Variants in KIAA1217 observed in about 807,000 individuals in gnomAD.
KIAA1217 encodes sickle tail protein homolog.
In KIAA1217, 88 loss-of-function variants were observed where a neutral mutation model predicts 163.9. The ratio of observed to expected loss-of-function variants is 0.54; its 90% CI spans 0.45 to 0.64. The LOEUF is 0.64. KIAA1217 is among the 30% of genes least tolerant of loss of function. KIAA1217 has a pLI of 0.00. For missense variants in KIAA1217, 2,372 were observed against 2,475.0 expected, an observed-to-expected ratio of 0.96 and a Z score of 0.88; for synonymous variants, 903 against 923.1, an observed-to-expected ratio of 0.98 and a Z score of 0.39.
chr10:24,364,666 A>G (rs2050515889), intron 2 of KIAA1217, among the ~76,000 whole-genome samples: 1 of 152,174 alleles, frequency 6.6e-6, no homozygotes, highest in Non-Finnish European at 1.5e-5. Flanking sequence ...TAGTTAGCAA[A>G]GGCAGGAAAA....
chr10:24,370,225 A>C (rs2134465694), intron 2 of KIAA1217, among the ~76,000 whole-genome samples: 1 of 143,638 alleles, frequency 7.0e-6, no homozygotes, highest in African/African-American at 2.6e-5. Context: ...AGATCACGCC[A>C]CTGCACTCCA....
At chr10:24,497,655 G>C (rs1324146273) in intron 8 of KIAA1217, among the ~76,000 whole-genome samples, 1 of 151,856 alleles carries the variant, frequency 6.6e-6, no homozygotes, top group Non-Finnish European at 1.5e-5. Context: ...GAGAGGTCAA[G>C]GCTGCAGTAA....
intron 3 of KIAA1217, among the ~76,000 whole-genome samples, chr10:24,417,465 G>A (rs1185114675): frequency 1.3e-5 from 2 of 152,224 alleles, no homozygotes; most frequent in Non-Finnish European, 2.9e-5. Flanking sequence ...GCACGCCTAA[G>A]TGTGAGGGTG....
chr10:24,152,721 T>C (rs1589692922), intron 2 of KIAA1217, among the ~76,000 whole-genome samples: 2 of 134,708 alleles, frequency 1.5e-5, no homozygotes, highest in South Asian at 5.2e-4. Flanking sequence ...TACTTTCTAT[T>C]CCCTTAAAAA....
At chr10:24,123,134 T>TTTTGTG (rs1554876481) in intron 2 of KIAA1217, among the ~76,000 whole-genome samples, 1 of 148,070 alleles carries the variant, frequency 6.8e-6, no homozygotes, top group Non-Finnish European at 1.5e-5. Flanking sequence ...TACTGTGTGT[T>TTTTGTG]TGTGTGTGTG....
At chr10:24,301,578 C>G (rs933789285) in intron 2 of KIAA1217, among the ~76,000 whole-genome samples, 1 of 152,212 alleles carries the variant, frequency 6.6e-6, no homozygotes, top group Non-Finnish European at 1.5e-5. Flanking sequence ...CCCCAACCAT[C>G]TCCACCTGCT....
intron 1 of KIAA1217, among the ~76,000 whole-genome samples, chr10:23,839,744 C>T (rs1405660086): frequency 6.6e-6 from 1 of 152,082 alleles, no homozygotes; most frequent in Non-Finnish European, 1.5e-5. Context: ...TGATGGCTCC[C>T]ACAACTCTTT....
chr10:24,075,824 G>C (rs1293551900), intron 2 of KIAA1217, among the ~76,000 whole-genome samples: 1 of 152,042 alleles, frequency 6.6e-6, no homozygotes. Context: ...GGCTGGTCTT[G>C]AACTCCTGAC....
chr10:24,359,082 C>CTTTTTTTT (rs202024336), intron 2 of KIAA1217, among the ~76,000 whole-genome samples: 103 of 81,522 alleles, frequency 1.3e-3, no homozygotes, highest in Admixed American at 1.8e-3. Flanking sequence ...TTCTTTCTTT[C>CTTTTTTTT]TTTTTTTTTT....
intron 2 of KIAA1217, among the ~76,000 whole-genome samples, chr10:24,088,757 G>A (rs1196873568): frequency 1.6e-5 from 2 of 124,066 alleles, no homozygotes; most frequent in Non-Finnish European, 4.0e-5. Context: ...TTAAACATAC[G>A]TATGCATGTG....
At chr10:24,054,038 A>G (rs1286046743) in intron 2 of KIAA1217, among the ~76,000 whole-genome samples, 2 of 152,288 alleles carry the variant, frequency 1.3e-5, no homozygotes, top group East Asian at 3.9e-4. Flanking sequence ...GTGAACATTT[A>G]TTAGGCTAAG....
intron 1 of KIAA1217, among the ~76,000 whole-genome samples, chr10:24,003,524 T>G (rs961449388): frequency 4.6e-5 from 7 of 152,206 alleles, no homozygotes; most frequent in African/African-American, 1.7e-4. Flanking sequence ...CATCAACTGT[T>G]TCACATTTGA....
chr10:24,132,442 A>T (rs1283112138), intron 2 of KIAA1217, among the ~76,000 whole-genome samples: 1 of 152,228 alleles, frequency 6.6e-6, no homozygotes, highest in Admixed American at 6.5e-5. Context: ...CTATAGCTAC[A>T]TATTGCCTAT....
At position 24,416,197 on chromosome 10, in the gene KIAA1217, C is replaced by A. The variant is rs1354232190; in HGVS notation, c.554-16798C>A. Among the ~76,000 whole-genome samples, 2 of 152,134 alleles carry A rather than the reference C, an allele frequency of 1.3e-5. 1 individual carries two copies. Among genetic ancestry groups the A allele is most frequent in the South Asian group, 4.1e-4 (2 of 4,826 alleles). ...TAACAGTAACAGGAAAACTTTAGAG[C>A]GTAAATGGTAACAAAAGTTGTTCCC... On this transcript the variant is annotated intron_variant, in intron 3 of 20. Transcript: ENST00000376454.
intron 1 of KIAA1217, among the ~76,000 whole-genome samples, chr10:23,916,976 A>T (rs1290290708): frequency 2.0e-5 from 3 of 151,656 alleles, no homozygotes; most frequent in Non-Finnish European, 2.9e-5. Context: ...CTCAAAAAAA[A>T]AAAAAAAAAA....
chr10:24,459,046 G>A (rs1403258059), intron 5 of KIAA1217, among the ~76,000 whole-genome samples: 3 of 152,084 alleles, frequency 2.0e-5, no homozygotes, highest in East Asian at 3.9e-4. Context: ...CACAGTGGAT[G>A]TTAGACCCAG....
At chr10:24,413,247 A>C (rs1490415734) in intron 3 of KIAA1217, among the ~76,000 whole-genome samples, 1 of 152,126 alleles carries the variant, frequency 6.6e-6, no homozygotes, top group Non-Finnish European at 1.5e-5. Flanking sequence ...GTGCAGTGGC[A>C]TGATCTCAGC....
intron 2 of KIAA1217, among the ~76,000 whole-genome samples, chr10:24,379,301 C>A (rs1445737518): frequency 6.6e-6 from 1 of 152,158 alleles, no homozygotes; most frequent in Non-Finnish European, 1.5e-5. Flanking sequence ...AAGCCAGATC[C>A]CCATAACAGA....
At chr10:24,520,314 T>C in intron 11 of KIAA1217, 61 bp downstream of exon 11, 2 of 1,593,606 alleles carry the variant, frequency 1.3e-6, no homozygotes, top group Non-Finnish European at 1.7e-6. Context: ...TGTTTAAAAA[T>C]CTGCCACATA....
Sources: allele counts gnomAD v4.1 joint callset (sites outside exome capture counted in the v4.1 genomes callset), GRCh38; gene constraint gnomAD v4.1.1; transcripts MANE v1.5; gene names NCBI Gene and HGNC (gene_info 2026-07-23, HGNC 2026-07-21).